TRDN: variants seen among roughly 807,000 people sequenced by gnomAD.
TRDN encodes triadin in skeletal muscle.
In TRDN, 161 loss-of-function variants were observed where a neutral mutation model predicts 149.7. That is an observed-to-expected ratio of 1.08 (90% confidence interval 0.95 to 1.23). The LOEUF (loss-of-function observed/expected upper bound fraction) is 1.23. TRDN is among the 50% of genes most tolerant of loss of function. TRDN has a pLI of 0.00. For missense variants in TRDN, 896 were observed against 823.5 expected, an observed-to-expected ratio of 1.09 and a Z score of -1.08; for synonymous variants, 294 against 250.5, an observed-to-expected ratio of 1.17 and a Z score of -1.64.
chr6:123,265,393 G>T, intron 32 of TRDN, 55 bp from the exon 33 acceptor site: 1 of 1,164,586 alleles, frequency 8.6e-7, no homozygotes, highest in South Asian at 1.5e-5. Context: ...CTATCTATGG[G>T]TGACATATCA....
At chr6:123,591,753 T>C (rs9398737) in intron 1 of TRDN, among the ~76,000 whole-genome samples, 62,186 of 152,004 alleles carry the variant, frequency 0.41, 13,394 homozygotes, top group East Asian at 0.6. Flanking sequence ...ACCAGCAGCT[T>C]CCTGTGCCTT....
chr6:123,422,391 T>C (rs890122567), intron 12 of TRDN, among the ~76,000 whole-genome samples: 2 of 152,060 alleles, frequency 1.3e-5, no homozygotes, highest in Non-Finnish European at 2.9e-5. Context: ...TGTTACAAGG[T>C]ATAGAGTTTT....
chr6:123,273,141 A>T (rs1777259694), intron 28 of TRDN, 130 bp from the exon 29 acceptor site: 1 of 749,750 alleles, frequency 1.3e-6, no homozygotes, highest in South Asian at 2.5e-5. Flanking sequence ...TTCTATGTAA[A>T]ACTTAAAGGT....
intron 38 of TRDN, among the ~76,000 whole-genome samples, chr6:123,252,061 G>C (rs373685097): frequency 7.9e-5 from 12 of 152,008 alleles, no homozygotes; most frequent in East Asian, 5.8e-4. Flanking sequence ...GACCATATGT[G>C]GTCTTTAACA....
chr6:123,554,261 G>C (rs1334984277), intron 2 of TRDN, among the ~76,000 whole-genome samples: 1 of 152,016 alleles, frequency 6.6e-6, no homozygotes, highest in Non-Finnish European at 1.5e-5. Context: ...TGTACCTTCT[G>C]TATGGTAGTA....
chr6:123,352,963 G>A (rs946735197), intron 20 of TRDN, among the ~76,000 whole-genome samples: 11 of 151,536 alleles, frequency 7.3e-5, no homozygotes, highest in African/African-American at 1.5e-4. Flanking sequence ...CTTTATATTC[G>A]TGCTTAACAT....
intron 10 of TRDN, among the ~76,000 whole-genome samples, chr6:123,448,860 G>A (rs4490683): frequency 0.32 from 48,013 of 151,900 alleles, 8,093 homozygotes; most frequent in African/African-American, 0.42. Flanking sequence ...ACTGGTATTC[G>A]TGGCTGAGAG....
chr6:123,622,475 CT>C (rs369371459), intron 1 of TRDN, among the ~76,000 whole-genome samples: 19 of 152,270 alleles, frequency 1.2e-4, no homozygotes, highest in African/African-American at 4.6e-4. Context: ...GAATTTTCGA[CT>C]GGTAAGTCGG....
intron 38 of TRDN, among the ~76,000 whole-genome samples, chr6:123,243,031 G>A (rs919722097): frequency 6.6e-6 from 1 of 152,114 alleles, no homozygotes; most frequent in Non-Finnish European, 1.5e-5. Flanking sequence ...CAAGGTCAAG[G>A]AGGGAGAAGG....
At chr6:123,336,531 G>C (rs1178769845) in intron 22 of TRDN, among the ~76,000 whole-genome samples, 1 of 151,822 alleles carries the variant, frequency 6.6e-6, no homozygotes, top group Non-Finnish European at 1.5e-5. Context: ...ACACAAAATT[G>C]ATCAAAATCT....
intron 21 of TRDN, chr6:123,351,680 A>T (rs1379285034): frequency 9.6e-6 from 9 of 942,176 alleles, no homozygotes; most frequent in Non-Finnish European, 1.1e-5. Context: ...ATGTCAAAAG[A>T]TCTTAACTTC....
chr6:123,447,056 C>A (rs919894073), intron 10 of TRDN, among the ~76,000 whole-genome samples: 3 of 152,062 alleles, frequency 2.0e-5, no homozygotes, highest in African/African-American at 7.2e-5. Context: ...AAGGACTTCA[C>A]TTGAGTTATG....
chr6:123,584,849 G>A (rs955564990), intron 1 of TRDN, among the ~76,000 whole-genome samples: 13 of 152,252 alleles, frequency 8.5e-5, no homozygotes, highest in Admixed American at 2.6e-4. Context: ...TTGGAACCAC[G>A]GGGTGGATAG....
intron 7 of TRDN, among the ~76,000 whole-genome samples, chr6:123,507,013 C>T (rs1048195041): frequency 2.6e-5 from 4 of 152,036 alleles, no homozygotes; most frequent in African/African-American, 9.7e-5. Context: ...TCAGAGAAAA[C>T]AGAGGATAAA....
intron 1 of TRDN, among the ~76,000 whole-genome samples, chr6:123,589,118 T>C (rs912794463): frequency 6.6e-6 from 1 of 152,206 alleles, no homozygotes. Flanking sequence ...GGAAGTCTCA[T>C]GCAGTAAGAT....
chr6:123,240,422 C>G (rs1256910049), intron 38 of TRDN, among the ~76,000 whole-genome samples: 1 of 151,060 alleles, frequency 6.6e-6, no homozygotes, highest in Non-Finnish European at 1.5e-5. Flanking sequence ...TTTTCTCTTT[C>G]TGTTTTTGAT....
chr6:123,601,659 T>A (rs949995230), intron 1 of TRDN, among the ~76,000 whole-genome samples: 1 of 152,148 alleles, frequency 6.6e-6, no homozygotes, highest in Admixed American at 6.6e-5. Flanking sequence ...GCACACATTC[T>A]CACTTCTTTG....
At chr6:123,563,290 A>C (rs528808842) in intron 2 of TRDN, among the ~76,000 whole-genome samples, 1 of 152,332 alleles carries the variant, frequency 6.6e-6, no homozygotes, top group African/African-American at 2.4e-5. Flanking sequence ...TAAACCTGGA[A>C]TACTTCCAGC....
intron 9 of TRDN, among the ~76,000 whole-genome samples, chr6:123,486,034 T>C (rs1008969742): frequency 6.6e-6 from 1 of 152,026 alleles, no homozygotes; most frequent in South Asian, 2.1e-4. Context: ...AGAAGCTCCA[T>C]TTTTCCAGAC....
Sources: gnomAD v4.1 joint callset for allele counts (sites outside exome capture counted in the v4.1 genomes callset) on GRCh38, gnomAD v4.1.1 for gene constraint, MANE v1.5 for transcripts, NCBI Gene and HGNC (gene_info 2026-07-23, HGNC 2026-07-21) for gene names.